Variants in SPATA16 observed in about 807,000 individuals in gnomAD.
SPATA16 encodes spermatogenesis associated 16.
A neutral mutation model predicts 63.3 loss-of-function variants in SPATA16; 36 were observed. The observed-to-expected ratio is 0.57, with a 90% CI of 0.44 to 0.75. The LOEUF (loss-of-function observed/expected upper bound fraction) is 0.75. Ranked by LOEUF, SPATA16 falls within the 30% of genes least tolerant of loss-of-function variation. The pLI, the probability that SPATA16 is intolerant of heterozygous loss-of-function variation, is 0.00. For synonymous variants in SPATA16, 203 were observed against 216.7 expected, an observed-to-expected ratio of 0.94 and a Z score of 0.56; for missense variants, 646 against 679.3, an observed-to-expected ratio of 0.95 and a Z score of 0.54.
At chr3:173,133,498 C>T (rs1219997895) in intron 1 of SPATA16, among the ~76,000 whole-genome samples, 1 of 152,072 alleles carries the variant, frequency 6.6e-6, no homozygotes, top group African/African-American at 2.4e-5. Flanking sequence ...TAGTGACTTC[C>T]CCCGGCCACA....
At chr3:173,028,575 T>C (rs1735523985) in intron 3 of SPATA16, among the ~76,000 whole-genome samples, 2 of 151,926 alleles carry the variant, frequency 1.3e-5, no homozygotes, top group Non-Finnish European at 2.9e-5. Flanking sequence ...TTTAAAATAA[T>C]ATGGACTGTT....
At chr3:173,014,327 A>C (rs1392553924) in intron 4 of SPATA16, among the ~76,000 whole-genome samples, 1 of 152,214 alleles carries the variant, frequency 6.6e-6, no homozygotes, top group African/African-American at 2.4e-5. Flanking sequence ...GTAAATTAAC[A>C]TAGGAATAGA....
At chr3:172,930,553 CTTTTTTTTTT>C (rs34780432) in intron 6 of SPATA16, among the ~76,000 whole-genome samples, 2 of 87,366 alleles carry the variant, frequency 2.3e-5, no homozygotes, top group Admixed American at 1.5e-4. Context: ...CATTCAAACT[CTTTTTTTTTT>C]TTTTTTTTTT....
Position 172,961,069 on chromosome 3 carries a change from T to TCTTCCTTTCTTCCTTTCTTCCTTC in SPATA16, c.934-4246_934-4245insGAAGGAAGAAAGGAAGAAAGGAAG, listed in dbSNP as rs1560080344. Among the ~76,000 whole-genome samples the TCTTCCTTTCTTCCTTTCTTCCTTC allele has an allele frequency of 7.6e-3, 549 of 72,370 alleles. 40 individuals carry two copies. The highest frequency in any genetic ancestry group is 0.033 in the African/African-American group (526 of 15,968). The allele number at this position is 72,370 out of a possible 152,430, so 47.5% of individuals were successfully genotyped here. ...CTTTCTTCTTTCTTTCTTTCTTCTT[T>TCTTCCTTTCTTCCTTTCTTCCTTC]CTTCCTTCCTTCCTTCCTTCCTTCC... On this transcript the variant is annotated intron_variant, in intron 5 of 10. Transcript: ENST00000351008.
At chr3:172,912,300 C>A (rs75006927) in intron 10 of SPATA16, among the ~76,000 whole-genome samples, 4,155 of 152,290 alleles carry the variant, frequency 0.027, 78 homozygotes, top group Non-Finnish European at 0.04. Flanking sequence ...TTGCAATATT[C>A]AGTTAGCCCA....
At chr3:172,999,756 T>A (rs558113120) in intron 4 of SPATA16, among the ~76,000 whole-genome samples, 1 of 152,324 alleles carries the variant, frequency 6.6e-6, no homozygotes, top group African/African-American at 2.4e-5. Context: ...TCTTTGTTTT[T>A]CCTACCCTGG....
intron 5 of SPATA16, among the ~76,000 whole-genome samples, chr3:172,966,034 T>C (rs1008802852): frequency 1.3e-5 from 2 of 152,106 alleles, no homozygotes; most frequent in Non-Finnish European, 2.9e-5. Flanking sequence ...CATCCTAACA[T>C]CAAAATGTCT....
chr3:173,063,502 G>T (rs1736439588), intron 2 of SPATA16, among the ~76,000 whole-genome samples: 1 of 152,190 alleles, frequency 6.6e-6, no homozygotes, highest in South Asian at 2.1e-4. Flanking sequence ...TTGGTTAGTA[G>T]CAGTGAGCAG....
At chr3:172,934,942 G>A (rs188288907) in intron 6 of SPATA16, among the ~76,000 whole-genome samples, 1 of 152,184 alleles carries the variant, frequency 6.6e-6, no homozygotes, top group African/African-American at 2.4e-5. Context: ...CAAAATAACT[G>A]TTTTTGACCA....
intron 4 of SPATA16, among the ~76,000 whole-genome samples, chr3:173,016,441 C>T (rs939962708): frequency 6.6e-6 from 1 of 152,182 alleles, no homozygotes; most frequent in African/African-American, 2.4e-5. Flanking sequence ...AAACCTAAGA[C>T]ATTCTAATTT....
intron 6 of SPATA16, among the ~76,000 whole-genome samples, chr3:172,927,678 A>G (rs781417792): frequency 2.6e-5 from 4 of 152,228 alleles, no homozygotes; most frequent in Admixed American, 6.5e-5. Flanking sequence ...AGGGACCAGA[A>G]TTGAAAATCA....
chr3:172,945,136 G>A (rs9838159), intron 6 of SPATA16, among the ~76,000 whole-genome samples: 4,852 of 152,072 alleles, frequency 0.032, 249 homozygotes, highest in African/African-American at 0.11. Flanking sequence ...CAAATAAGAT[G>A]GTAATTATGT....
chr3:173,076,148 G>T (rs1026654532), intron 2 of SPATA16, among the ~76,000 whole-genome samples: 1 of 152,030 alleles, frequency 6.6e-6, no homozygotes, highest in Admixed American at 6.6e-5. Context: ...ATATGAACTA[G>T]TATGGTGTAT....
chr3:173,070,664 T>G (rs1736653096), intron 2 of SPATA16, among the ~76,000 whole-genome samples: 1 of 152,180 alleles, frequency 6.6e-6, no homozygotes, highest in Non-Finnish European at 1.5e-5. Context: ...CATTTCTATA[T>G]GCCAACAGCA....
chr3:173,027,866 T>C (rs1735487240), intron 3 of SPATA16, among the ~76,000 whole-genome samples: 1 of 151,940 alleles, frequency 6.6e-6, no homozygotes, highest in African/African-American at 2.4e-5. Context: ...TCAGAAGCTA[T>C]GGATTTTTGC....
chr3:173,070,031 T>A (rs1205773913), intron 2 of SPATA16, among the ~76,000 whole-genome samples: 1 of 151,984 alleles, frequency 6.6e-6, no homozygotes, highest in Non-Finnish European at 1.5e-5. Flanking sequence ...CCACAGTTAA[T>A]ATCATATTGA....
Position 173,030,499 on chromosome 3 carries a change from G to C in SPATA16, c.759-10924C>G, listed in dbSNP as rs369869915. Among the ~76,000 whole-genome samples the C allele has an allele frequency of 1.9e-3, 292 of 152,112 alleles. 7 individuals carry two copies. The South Asian group carries it at 0.04, about 21-fold the overall frequency. On this transcript the variant is annotated intron_variant, in intron 3 of 10. Coordinates refer to ENST00000351008, the MANE Select transcript of SPATA16 (RefSeq NM_031955.6). ...AAGATGTTTACATCACTAATTGTTA[G>C]GGAAATTCAAACCAAAACCACAATG...
intron 4 of SPATA16, among the ~76,000 whole-genome samples, chr3:173,005,152 C>T (rs1734912721): frequency 6.6e-6 from 1 of 151,938 alleles, no homozygotes; most frequent in Non-Finnish European, 1.5e-5. Context: ...GAAACCCTGT[C>T]TCTACTAAAA....
chr3:173,106,843 A>C (rs183366834), intron 2 of SPATA16, among the ~76,000 whole-genome samples: 4 of 152,204 alleles, frequency 2.6e-5, no homozygotes, highest in African/African-American at 9.6e-5. Flanking sequence ...TTCGAGGTTC[A>C]TTCCAAAATC....
Sources: gnomAD v4.1 joint callset for allele counts (sites outside exome capture counted in the v4.1 genomes callset) on GRCh38, gnomAD v4.1.1 for gene constraint, MANE v1.5 for transcripts, NCBI Gene and HGNC (gene_info 2026-07-23, HGNC 2026-07-21) for gene names.